Variants in RERG observed in about 807,000 individuals in gnomAD.
RERG encodes the protein RAS like estrogen regulated growth inhibitor, also known as ras-related and estrogen-regulated growth inhibitor.
RERG carries 25 observed loss-of-function variants against 23.2 expected under a neutral mutation model. That is an observed-to-expected ratio of 1.08 (90% CI 0.79 to 1.50). The LOEUF is 1.50. RERG is among the 40% of genes most tolerant of loss of function. The pLI is 0.00. For missense variants in RERG, 253 were observed against 250.1 expected, an observed-to-expected ratio of 1.01 and a Z score of -0.08; for synonymous variants, 81 against 89.1, an observed-to-expected ratio of 0.91 and a Z score of 0.51.
intron 2 of RERG, among the ~76,000 whole-genome samples, chr12:15,161,191 A>AAAGG (rs1864605622): frequency 6.7e-6 from 1 of 149,592 alleles, no homozygotes; most frequent in Non-Finnish European, 1.5e-5. Flanking sequence ...AGAAAGAAAG[A>AAAGG]AAGAAAGAAA....
intron 2 of RERG, among the ~76,000 whole-genome samples, chr12:15,165,671 AATGGGGTTATG>A (rs1864676375): frequency 6.6e-6 from 1 of 152,208 alleles, no homozygotes; most frequent in Non-Finnish European, 1.5e-5. Flanking sequence ...GAAGTTTTAA[AATGGGGTTATG>A]ATGCCCTGGA....
intron 2 of RERG, chr12:15,152,148 A>G (rs987309619): frequency 6.6e-6 from 1 of 152,246 alleles, no homozygotes; most frequent in Non-Finnish European, 1.5e-5. Context: ...TGTTTTGGAA[A>G]GCCATCTGAG....
chr12:15,185,788 A>G (rs1318085036), intron 2 of RERG, among the ~76,000 whole-genome samples: 1 of 152,102 alleles, frequency 6.6e-6, no homozygotes, highest in African/African-American at 2.4e-5. Context: ...CAATTTACCC[A>G]TATAACAAAC....
chr12:15,112,763 A>G (rs1462694332), intron 3 of RERG, among the ~76,000 whole-genome samples: 2 of 152,220 alleles, frequency 1.3e-5, no homozygotes, highest in Non-Finnish European at 2.9e-5. Flanking sequence ...AAATCTTAGT[A>G]TCCTTTATAA....
chr12:15,176,254 C>T (rs1005846397), intron 2 of RERG, among the ~76,000 whole-genome samples: 11 of 152,188 alleles, frequency 7.2e-5, no homozygotes, highest in Non-Finnish European at 1.2e-4. Flanking sequence ...TTTATTTAGG[C>T]AATTGCATAT....
At chr12:15,156,549 CAAG>C (rs924554245) in intron 2 of RERG, among the ~76,000 whole-genome samples, 4 of 152,168 alleles carry the variant, frequency 2.6e-5, no homozygotes, top group African/African-American at 7.2e-5. Context: ...AAAATTTTCA[CAAG>C]AAGTAACATT....
chr12:15,167,002 G>A (rs1298086320), intron 2 of RERG, among the ~76,000 whole-genome samples: 1 of 152,032 alleles, frequency 6.6e-6, no homozygotes, highest in Non-Finnish European at 1.5e-5. Flanking sequence ...ATGTTCTAAG[G>A]TCAAAACATC....
At chr12:15,176,392 C>G (rs951248337) in intron 2 of RERG, among the ~76,000 whole-genome samples, 3 of 152,052 alleles carry the variant, frequency 2.0e-5, no homozygotes, top group Non-Finnish European at 4.4e-5. Flanking sequence ...TCCCAAGTAA[C>G]TCTCCTTTTT....
intron 3 of RERG, among the ~76,000 whole-genome samples, chr12:15,118,679 G>A (rs921931779): frequency 2.8e-5 from 4 of 144,476 alleles, no homozygotes; most frequent in African/African-American, 1.0e-4. Context: ...GTTCTAGTGG[G>A]ATCTGGTTGT....
At chr12:15,215,994 T>C (rs983852086) in intron 2 of RERG, among the ~76,000 whole-genome samples, 1 of 152,228 alleles carries the variant, frequency 6.6e-6, no homozygotes, top group Non-Finnish European at 1.5e-5. Context: ...CCTTCCCTTA[T>C]TGCCTTTGGA....
intron 2 of RERG, among the ~76,000 whole-genome samples, chr12:15,144,676 T>C (rs1459979377): frequency 6.6e-6 from 1 of 152,040 alleles, no homozygotes; most frequent in Non-Finnish European, 1.5e-5. Context: ...CTTAAGAGAA[T>C]AGGGAGGGGT....
At chr12:15,167,651 T>C (rs1393161978) in intron 2 of RERG, among the ~76,000 whole-genome samples, 2 of 152,172 alleles carry the variant, frequency 1.3e-5, no homozygotes. Flanking sequence ...GAAGCTGGAA[T>C]GGAGATACTT....
intron 2 of RERG, among the ~76,000 whole-genome samples, chr12:15,141,478 C>A (rs1244843318): frequency 6.6e-6 from 1 of 152,078 alleles, no homozygotes; most frequent in African/African-American, 2.4e-5. Context: ...AGCATAATAT[C>A]CTTTTGATTT....
chr12:15,193,782 T>C (rs571204470), intron 2 of RERG, among the ~76,000 whole-genome samples: 2 of 152,246 alleles, frequency 1.3e-5, no homozygotes, highest in East Asian at 1.9e-4. Flanking sequence ...TGGAAAAATA[T>C]TGTAAGTAAG....
intron 2 of RERG, among the ~76,000 whole-genome samples, chr12:15,206,567 T>C (rs1169544345): frequency 1.3e-5 from 2 of 152,108 alleles, no homozygotes; most frequent in Middle Eastern, 3.2e-3. Context: ...GAAATACAAA[T>C]TCTCTGGCTT....
chr12:15,186,010 A>C (rs1314497084), intron 2 of RERG, among the ~76,000 whole-genome samples: 1 of 152,062 alleles, frequency 6.6e-6, no homozygotes, highest in Non-Finnish European at 1.5e-5. Flanking sequence ...AAGATATAAA[A>C]ATGGACAATA....
intron 2 of RERG, among the ~76,000 whole-genome samples, chr12:15,193,828 T>A (rs1485924182): frequency 6.6e-6 from 1 of 152,176 alleles, no homozygotes; most frequent in African/African-American, 2.4e-5. Context: ...GAGAGAAATC[T>A]GCCTTAGAAC....
chr12:15,129,422 A>C (rs965602326), intron 2 of RERG, among the ~76,000 whole-genome samples: 1 of 152,176 alleles, frequency 6.6e-6, no homozygotes, highest in African/African-American at 2.4e-5. Flanking sequence ...TCAAATGCTT[A>C]TCCATTTTGA....
At chr12:15,129,074 G>C (rs914955255) in intron 2 of RERG, among the ~76,000 whole-genome samples, 1 of 152,182 alleles carries the variant, frequency 6.6e-6, no homozygotes, top group Non-Finnish European at 1.5e-5. Context: ...TCCCAGGACC[G>C]AGTGAGTCCC....
Sources: allele counts gnomAD v4.1 joint callset (sites outside exome capture counted in the v4.1 genomes callset), GRCh38; gene constraint gnomAD v4.1.1; transcripts MANE v1.5; gene names NCBI Gene and HGNC (gene_info 2026-07-23, HGNC 2026-07-21).